Variants in CDH13 observed in about 807,000 individuals in gnomAD.
The protein encoded by CDH13 is cadherin-13.
A neutral mutation model predicts 63.8 loss-of-function variants in CDH13; 24 were observed. That is an observed-to-expected ratio of 0.38 (90% CI 0.27 to 0.53). The LOEUF (loss-of-function observed/expected upper bound fraction) is 0.53. Ranked by LOEUF, CDH13 falls within the 20% of genes least tolerant of loss-of-function variation. The probability of loss-of-function intolerance (pLI) is 0.85; values close to 1 mark genes in which losing one functional copy is unlikely to be tolerated. For synonymous variants in CDH13, 503 were observed against 355.3 expected, an observed-to-expected ratio of 1.42 and a Z score of -4.67; for missense variants, 1,049 against 903.1, an observed-to-expected ratio of 1.16 and a Z score of -2.07.
chr16:83,301,025 G>GGTTTTTT (rs3052592), intron 5 of CDH13, among the ~76,000 whole-genome samples: 9 of 78,756 alleles, frequency 1.1e-4, no homozygotes, highest in African/African-American at 4.8e-4. Context: ...ACTTTCTGGG[G>GGTTTTTT]TTTTTTTTTT....
At chr16:83,460,549 C>G (rs909845083) in intron 6 of CDH13, among the ~76,000 whole-genome samples, 6 of 151,962 alleles carry the variant, frequency 3.9e-5, no homozygotes, top group African/African-American at 1.5e-4. Context: ...TGGTGGATCT[C>G]CAGGACATGC....
Position 82,917,929 on chromosome 16 carries a change from AAAAG to A in CDH13, c.157+59457_157+59460del, listed in dbSNP as rs1213651768. Among the ~76,000 whole-genome samples, 190 of 147,504 alleles carry A rather than the reference AAAAG, an allele frequency of 1.3e-3. 3 individuals carry two copies. Among genetic ancestry groups the A allele is most frequent in the Non-Finnish European group, 1.7e-3 (111 of 65,712 alleles). On this transcript the variant is annotated intron_variant, in intron 2 of 13. Coordinates refer to ENST00000567109, the MANE Select transcript of CDH13 (RefSeq NM_001257.5). ...GACTCCATGTCAAAAAAAAAAAAAA[AAAAG>A]GCATGTAAAGTAAATGGATGCACAT... is the stretch of plus-strand genomic sequence containing the variant.
At chr16:83,259,873 T>C (rs937995487) in intron 5 of CDH13, among the ~76,000 whole-genome samples, 2 of 151,984 alleles carry the variant, frequency 1.3e-5, no homozygotes, top group Non-Finnish European at 2.9e-5. Flanking sequence ...GAAGCAAACT[T>C]CTTTGGGGGC....
intron 4 of CDH13, among the ~76,000 whole-genome samples, chr16:83,140,056 C>T (rs575414048): frequency 6.6e-6 from 1 of 152,278 alleles, no homozygotes; most frequent in South Asian, 2.1e-4. Flanking sequence ...CTGTAGACAT[C>T]CGAGGGTTTT....
At chr16:82,763,356 A>G (rs1048609130) in intron 1 of CDH13, among the ~76,000 whole-genome samples, 1 of 151,204 alleles carries the variant, frequency 6.6e-6, no homozygotes, top group African/African-American at 2.4e-5. Context: ...CTTATTTTCC[A>G]CCTCCTCCTC....
intron 3 of CDH13, among the ~76,000 whole-genome samples, chr16:83,108,923 A>G (rs1247921749): frequency 3.3e-5 from 5 of 152,006 alleles, no homozygotes; most frequent in Non-Finnish European, 7.4e-5. Flanking sequence ...CTCCAGTGGG[A>G]ATGTACTTGT....
chr16:83,062,225 A>G (rs1288897052), intron 3 of CDH13, among the ~76,000 whole-genome samples: 1 of 152,208 alleles, frequency 6.6e-6, no homozygotes, highest in Non-Finnish European at 1.5e-5. Flanking sequence ...TTCCCTTATC[A>G]ACTTACTTAA....
At chr16:83,443,717 AAAAAAAAAAAAAAAAAAAATATAT>A (rs748533083) in intron 6 of CDH13, among the ~76,000 whole-genome samples, 13,496 of 98,954 alleles carry the variant, frequency 0.14, 1,039 homozygotes, top group East Asian at 0.19. Flanking sequence ...AAAAAAAAAA[AAAAAAAAAAAAAAAAAAAATATAT>A]ATATATATAT....
intron 2 of CDH13, among the ~76,000 whole-genome samples, chr16:83,018,783 C>T (rs561703735): frequency 6.6e-4 from 101 of 152,286 alleles, no homozygotes; most frequent in African/African-American, 2.2e-3. Flanking sequence ...ATATATAGCA[C>T]GGTGCTGTAC....
At chr16:83,203,120 A>C (rs1490208255) in intron 4 of CDH13, among the ~76,000 whole-genome samples, 1 of 152,184 alleles carries the variant, frequency 6.6e-6, no homozygotes, top group African/African-American at 2.4e-5. Context: ...GCTACTTGGG[A>C]GGCTGAGGCA....
chr16:83,248,040 G>T (rs761585781), intron 5 of CDH13, among the ~76,000 whole-genome samples: 1 of 152,184 alleles, frequency 6.6e-6, no homozygotes, highest in African/African-American at 2.4e-5. Context: ...GATGAATCTG[G>T]AGGGGAAGAT....
intron 5 of CDH13, among the ~76,000 whole-genome samples, chr16:83,323,197 T>C (rs1209836111): frequency 2.7e-5 from 4 of 146,308 alleles, no homozygotes; most frequent in Non-Finnish European, 6.0e-5. Context: ...TTTCTTTCTT[T>C]CTTTCTTTCT....
rs547129202 is a variant in CDH13 at position 82,956,195 on chromosome 16, T to G, written c.158-75815T>G. 1.6e-4 allele frequency among the ~76,000 whole-genome samples: 25 copies of G among 152,236 alleles called. 1 individual carries two copies. Among genetic ancestry groups the G allele is most frequent in the Admixed American group, 1.4e-3 (22 of 15,286 alleles). The stretch of plus-strand genomic sequence containing the variant: ...AAACATGGGCATGATTCTCGGTGTT[T>G]CTGTAGGCTTCTCTCACCTACCCTC... On this transcript the variant is annotated intron_variant, in intron 2 of 13. Transcript: ENST00000567109.
chr16:83,329,544 GA>G (rs2090438553), intron 5 of CDH13, among the ~76,000 whole-genome samples: 1 of 152,040 alleles, frequency 6.6e-6, no homozygotes, highest in Non-Finnish European at 1.5e-5. Flanking sequence ...TGATTGTGAT[GA>G]AAAACACACA....
intron 9 of CDH13, 122 bp downstream of exon 9, chr16:83,671,094 G>A (rs1914461064): frequency 4.7e-6 from 4 of 846,554 alleles, no homozygotes; most frequent in Non-Finnish European, 7.3e-6. Context: ...CTCCTTCTGG[G>A]AATTAACAAA....
intron 2 of CDH13, among the ~76,000 whole-genome samples, chr16:83,014,680 G>A (rs1190882738): frequency 7.0e-6 from 1 of 143,280 alleles, no homozygotes; most frequent in Non-Finnish European, 1.5e-5. Flanking sequence ...GCAGTGAGCT[G>A]AGATTGCACC....
intron 11 of CDH13, among the ~76,000 whole-genome samples, chr16:83,761,094 G>A (rs935094424): frequency 3.9e-5 from 6 of 152,172 alleles, no homozygotes; most frequent in Admixed American, 1.3e-4. Flanking sequence ...GGTAGCAAAC[G>A]ATAACTTTCC....
At chr16:83,174,198 G>T (rs1567476533) in intron 4 of CDH13, among the ~76,000 whole-genome samples, 1 of 152,080 alleles carries the variant, frequency 6.6e-6, no homozygotes, top group Admixed American at 6.6e-5. Flanking sequence ...GATGAGGTCA[G>T]TTCGGGGTCT....
At chr16:82,733,556 T>G (rs1386870681) in intron 1 of CDH13, among the ~76,000 whole-genome samples, 1 of 152,130 alleles carries the variant, frequency 6.6e-6, no homozygotes, top group Non-Finnish European at 1.5e-5. Context: ...TGAGTGTTTT[T>G]CATCATCTTG....
Sources: allele counts gnomAD v4.1 joint callset (sites outside exome capture counted in the v4.1 genomes callset), GRCh38; gene constraint gnomAD v4.1.1; transcripts MANE v1.5; gene names NCBI Gene and HGNC (gene_info 2026-07-23, HGNC 2026-07-21).